RAPH1: variants seen among roughly 807,000 people sequenced by gnomAD.
The protein encoded by RAPH1 is Ras association (RalGDS/AF-6) and pleckstrin homology domains 1, also known as ras-associated and pleckstrin homology domains-containing protein 1.
In RAPH1, 18 loss-of-function variants were observed where a neutral mutation model predicts 88.1. The observed-to-expected ratio is 0.20, with a 90% CI of 0.14 to 0.30. The LOEUF (loss-of-function observed/expected upper bound fraction) is 0.30, where lower values mean the gene tolerates loss of function less well. Ranked by LOEUF, RAPH1 falls within the 10% of genes least tolerant of loss-of-function variation. RAPH1 has a pLI of 1.00. For synonymous variants in RAPH1, 587 were observed against 559.0 expected (o/e 1.05, Z -0.71); for missense variants, 1,448 against 1,543.2 (o/e 0.94, Z 1.03).
At chr2:203,441,833 A>G (rs890023563) in intron 13 of RAPH1, 11 of 1,328,672 alleles carry the variant, frequency 8.3e-6, no homozygotes, top group Non-Finnish European at 1.1e-5. Flanking sequence ...CTTTCAGTCC[A>G]TGACTGCATC....
intron 4 of RAPH1, among the ~76,000 whole-genome samples, chr2:203,474,938 C>A (rs568985734): frequency 6.6e-6 from 1 of 152,194 alleles, no homozygotes; most frequent in East Asian, 1.9e-4. Context: ...TGGCAAAACG[C>A]CATCTCTACT....
intron 1 of RAPH1, chr2:203,533,300 A>G (rs1002302038): frequency 6.6e-6 from 1 of 152,162 alleles, no homozygotes; most frequent in Non-Finnish European, 1.5e-5. Flanking sequence ...CAAACAGGAG[A>G]CAGCAATCTA....
intron 1 of RAPH1, among the ~76,000 whole-genome samples, chr2:203,521,303 C>T (rs1412815036): frequency 6.6e-6 from 1 of 152,178 alleles, no homozygotes; most frequent in African/African-American, 2.4e-5. Context: ...ATCTGCCCAC[C>T]TTGGCCTCCC....
chr2:203,511,549 C>G (rs1472257645), intron 1 of RAPH1, among the ~76,000 whole-genome samples: 1 of 152,096 alleles, frequency 6.6e-6, no homozygotes, highest in East Asian at 1.9e-4. Flanking sequence ...GACAGAAACC[C>G]AACTCAAACT....
At chr2:203,518,442 TAGG>T (rs1397442669) in intron 1 of RAPH1, among the ~76,000 whole-genome samples, 1 of 151,420 alleles carries the variant, frequency 6.6e-6, no homozygotes, top group Non-Finnish European at 1.5e-5. Context: ...TGCTTGAATG[TAGG>T]AGGTGGAGGT....
At chr2:203,472,515 A>G (rs1322468699) in intron 4 of RAPH1, among the ~76,000 whole-genome samples, 1 of 152,168 alleles carries the variant, frequency 6.6e-6, no homozygotes, top group Non-Finnish European at 1.5e-5. Context: ...ATTCCCATTC[A>G]TTTTTAGCTA....
intron 7 of RAPH1, 70 bp from the exon 8 acceptor site, chr2:203,457,665 T>G: frequency 9.0e-7 from 1 of 1,108,212 alleles, no homozygotes; most frequent in Non-Finnish European, 1.4e-6. Flanking sequence ...AAATCCATTC[T>G]GTTATTCCCT....
chr2:203,480,439 T>C (rs1687673229), intron 4 of RAPH1, among the ~76,000 whole-genome samples: 1 of 151,976 alleles, frequency 6.6e-6, no homozygotes, highest in Non-Finnish European at 1.5e-5. Context: ...TCACAGCTAC[T>C]AGGGAGGCTG....
chr2:203,500,161 C>A (rs1437495838), intron 1 of RAPH1, among the ~76,000 whole-genome samples: 1 of 152,006 alleles, frequency 6.6e-6, no homozygotes, highest in Non-Finnish European at 1.5e-5. Flanking sequence ...GAAAAGGAAA[C>A]CAACAATGAT....
chr2:203,505,834 C>G (rs938314665), intron 1 of RAPH1, among the ~76,000 whole-genome samples: 2 of 152,182 alleles, frequency 1.3e-5, no homozygotes, highest in African/African-American at 4.8e-5. Context: ...TTACTATACA[C>G]ACACGCGCGC....
chr2:203,448,189 AAATT>A lies in RAPH1; in HGVS notation c.1513-114_1513-111del, dbSNP rs2153636548. 1.0e-6 allele frequency: 1 copy of A among 999,442 alleles called. No individual in the cohort carries two copies. The highest frequency in any genetic ancestry group is 2.5e-5 in the East Asian group (1 of 40,154). The allele number at this position is 999,442 out of a possible 1,614,324, so 61.9% of individuals were successfully genotyped here. A position where few individuals can be genotyped will look rare whatever the true frequency, so the allele number is the denominator to read the frequency against. ...GTTTACTGATTGATGGTCTGTATTA[AAATT>A]AATACCTATGATAGTTCAAAAATTC... On this transcript the variant is annotated intron_variant, in intron 11 of 13. Coordinates refer to ENST00000319170, the MANE Select transcript of RAPH1 (RefSeq NM_213589.3). This position sits in a 1 kb window ranked among gnomAD's most constrained non-coding sequence, Gnocchi z 4.1.
Position 203,489,910 on chromosome 2 carries a change from A to C in RAPH1, c.406T>G (p.Leu136Val). ...HTLKHGTLKG[L>V]SSSSNRIAKP... ...GCTATCCTATTAGATGAAGAAGATA[A>C]TCCTTTCAAGGTGCCATGTTTCAAT... The change falls in exon 4 of 14, where the codon TTA becomes GTA. Residue 136 changes from leucine (L) to valine (V), a missense_variant. By Grantham distance (32) the Leu-to-Val change is conservative. Transcript: ENST00000319170. 6.2e-7 allele frequency: 1 copy of C among 1,614,226 alleles called. No individual in the cohort carries two copies. Among genetic ancestry groups the C allele is most frequent in the Non-Finnish European group, 8.5e-7 (1 of 1,180,034 alleles).
intron 4 of RAPH1, among the ~76,000 whole-genome samples, chr2:203,476,289 G>A (rs927355644): frequency 6.6e-6 from 1 of 152,028 alleles, no homozygotes; most frequent in African/African-American, 2.4e-5. Flanking sequence ...TTCTGCCTCA[G>A]CCTCCTGAGT....
chr2:203,500,911 T>C (rs891023367), intron 1 of RAPH1, among the ~76,000 whole-genome samples: 1 of 152,226 alleles, frequency 6.6e-6, no homozygotes, highest in African/African-American at 2.4e-5. Flanking sequence ...CATTTACAGA[T>C]AAATTTTAGT....
intron 12 of RAPH1, chr2:203,447,177 C>CTT: frequency 8.4e-6 from 1 of 119,588 alleles, no homozygotes; most frequent in Non-Finnish European, 1.8e-5. Context: ...GTTTTCTTTT[C>CTT]TTTCTTTTTT....
At chr2:203,450,054 A>G (rs2098513492) in intron 10 of RAPH1, among the ~76,000 whole-genome samples, 2 of 151,974 alleles carry the variant, frequency 1.3e-5, no homozygotes, top group Admixed American at 1.3e-4. Flanking sequence ...AAAGAAAGAA[A>G]AAAAGCTTTA....
At chr2:203,522,759 G>A (rs62182810) in intron 1 of RAPH1, among the ~76,000 whole-genome samples, 65,781 of 151,520 alleles carry the variant, frequency 0.43, 16,216 homozygotes, top group Middle Eastern at 0.7. Context: ...AAAATTAGCC[G>A]AGCATGGTGG....
intron 1 of RAPH1, among the ~76,000 whole-genome samples, chr2:203,507,935 G>A (rs1205337664): frequency 2.6e-5 from 4 of 151,790 alleles, no homozygotes; most frequent in South Asian, 2.1e-4. Flanking sequence ...CACTGGGGCC[G>A]GGCACGGTGG....
At chr2:203,494,721 A>G (rs947861344) in intron 2 of RAPH1, among the ~76,000 whole-genome samples, 9 of 151,180 alleles carry the variant, frequency 6.0e-5, no homozygotes, top group African/African-American at 2.2e-4. Flanking sequence ...AGGCAGGAGA[A>G]TGGCGTGAAC....
Sources: allele counts gnomAD v4.1 joint callset (sites outside exome capture counted in the v4.1 genomes callset), GRCh38; gene constraint gnomAD v4.1.1; non-coding constraint Gnocchi (gnomAD v3.1); transcripts MANE v1.5; gene names NCBI Gene and HGNC (gene_info 2026-07-23, HGNC 2026-07-21).